Variants in ANTXR1 observed in about 807,000 individuals in gnomAD.
ANTXR1 encodes ANTXR cell adhesion molecule 1, also known as anthrax toxin receptor 1.
In ANTXR1, 19 loss-of-function variants were observed where a neutral mutation model predicts 78.1. The ratio of observed to expected loss-of-function variants is 0.24; its 90% CI spans 0.17 to 0.36. The LOEUF (loss-of-function observed/expected upper bound fraction) is 0.36, where lower values mean the gene tolerates loss of function less well. ANTXR1 is among the 10% of genes least tolerant of loss of function. The probability of loss-of-function intolerance (pLI) is 1.00; values close to 1 mark genes in which losing one functional copy is unlikely to be tolerated. For synonymous variants in ANTXR1, 273 were observed against 260.5 expected (o/e 1.05, Z -0.46); for missense variants, 518 against 718.6 (o/e 0.72, Z 3.19).
rs144411904 is a variant in ANTXR1 at position 69,140,107 on chromosome 2, A to G, written c.952-12062A>G. 2.1e-3 allele frequency among the ~76,000 whole-genome samples: 319 copies of G among 152,350 alleles called. 1 individual carries two copies. The highest frequency in any genetic ancestry group is 4.1e-3 in the South Asian group (20 of 4,832). On this transcript the variant is annotated intron_variant, in intron 12 of 17. Coordinates refer to ENST00000303714, the MANE Select transcript of ANTXR1 (RefSeq NM_032208.3). Reference sequence around the variant, plus strand: ...AAAATTTACTTTAATCACCTTCACCATCGTAAGTAACATGAAATGTCATGA... The same window carrying G: ...AAAATTTACTTTAATCACCTTCACCGTCGTAAGTAACATGAAATGTCATGA...
chr2:69,121,830 C>T (rs142583793), intron 10 of ANTXR1, among the ~76,000 whole-genome samples: 1 of 152,126 alleles, frequency 6.6e-6, no homozygotes, highest in Non-Finnish European at 1.5e-5. Context: ...CTATTATATA[C>T]TTAGTATAAT....
At chr2:69,212,093 G>C (rs1675055905) in intron 17 of ANTXR1, among the ~76,000 whole-genome samples, 1 of 152,196 alleles carries the variant, frequency 6.6e-6, no homozygotes, top group Non-Finnish European at 1.5e-5. Flanking sequence ...GCTTTTGATA[G>C]CTGGCTTCTA....
At position 69,058,485 on chromosome 2, in the gene ANTXR1, T is replaced by C. The variant is rs140654273; in HGVS notation, c.297-12162T>C. Reference sequence around the variant, plus strand: ...CCCAGATGACAGCACATCTGTTTACTGCATGGTTTACTGAATATTTTAAGC... The same window carrying C: ...CCCAGATGACAGCACATCTGTTTACCGCATGGTTTACTGAATATTTTAAGC... On this transcript the variant is annotated intron_variant, in intron 3 of 17. Coordinates refer to ENST00000303714, the MANE Select transcript of ANTXR1 (RefSeq NM_032208.3). Among the ~76,000 whole-genome samples the C allele has an allele frequency of 9.3e-4, 142 of 152,226 alleles. 1 individual carries two copies. The highest frequency in any genetic ancestry group is 3.3e-3 in the African/African-American group (137 of 41,522).
At chr2:69,150,645 T>G (rs1177329207) in intron 12 of ANTXR1, among the ~76,000 whole-genome samples, 1 of 136,728 alleles carries the variant, frequency 7.3e-6, no homozygotes, top group African/African-American at 2.9e-5. Flanking sequence ...TTTATGTCTC[T>G]CTCACTCTTG....
intron 8 of ANTXR1, among the ~76,000 whole-genome samples, chr2:69,078,590 G>A (rs897622211): frequency 2.2e-4 from 33 of 152,258 alleles, no homozygotes; most frequent in Middle Eastern, 3.4e-3. Flanking sequence ...CTCAGAGCCC[G>A]GCAACCCAGA....
intron 17 of ANTXR1, among the ~76,000 whole-genome samples, chr2:69,205,071 T>C (rs1674863210): frequency 6.6e-6 from 1 of 152,134 alleles, no homozygotes; most frequent in Non-Finnish European, 1.5e-5. Flanking sequence ...GAGTGTACAC[T>C]GGAGTGGTCA....
At chr2:69,177,768 G>A (rs1674166507) in intron 14 of ANTXR1, among the ~76,000 whole-genome samples, 1 of 152,138 alleles carries the variant, frequency 6.6e-6, no homozygotes, top group Non-Finnish European at 1.5e-5. Context: ...GTATAGTGCA[G>A]CCCACAACCC....
intron 1 of ANTXR1, among the ~76,000 whole-genome samples, chr2:69,028,775 GA>G (rs1428948794): frequency 2.6e-5 from 4 of 151,992 alleles, no homozygotes; most frequent in East Asian, 3.9e-4. Context: ...AGCTTTGGGG[GA>G]AAAAAATACA....
chr2:69,242,442 GTC>G (rs1487832561), intron 17 of ANTXR1, among the ~76,000 whole-genome samples: 2 of 152,212 alleles, frequency 1.3e-5, no homozygotes, highest in Non-Finnish European at 2.9e-5. Flanking sequence ...TCCCGATTTT[GTC>G]TCTGGACAAA....
chr2:69,176,572 C>A (rs1001362142), intron 14 of ANTXR1, among the ~76,000 whole-genome samples: 5 of 152,202 alleles, frequency 3.3e-5, no homozygotes, highest in African/African-American at 1.2e-4. Flanking sequence ...TCACGAAACT[C>A]ACTCCTCTAT....
intron 1 of ANTXR1, among the ~76,000 whole-genome samples, chr2:69,024,966 C>T (rs192902455): frequency 5.3e-5 from 8 of 152,292 alleles, no homozygotes; most frequent in Admixed American, 5.2e-4. Flanking sequence ...AAAGTGTAAA[C>T]TCTTCAGCAA....
intron 17 of ANTXR1, among the ~76,000 whole-genome samples, chr2:69,208,131 T>C (rs192392446): frequency 4.6e-5 from 7 of 152,388 alleles, no homozygotes; most frequent in East Asian, 1.9e-4. Context: ...ATTTGACTTG[T>C]AGCTTGGCTT....
chr2:69,089,685 G>T (rs181870023), intron 8 of ANTXR1, among the ~76,000 whole-genome samples: 10 of 152,278 alleles, frequency 6.6e-5, no homozygotes, highest in African/African-American at 2.2e-4. Flanking sequence ...ATAAATGGGC[G>T]TTTCCCAATG....
chr2:69,239,012 T>A (rs1675837808), intron 17 of ANTXR1, among the ~76,000 whole-genome samples: 1 of 152,120 alleles, frequency 6.6e-6, no homozygotes, highest in African/African-American at 2.4e-5. Context: ...ACACCTCTTC[T>A]CACATCTCCC....
intron 10 of ANTXR1, among the ~76,000 whole-genome samples, chr2:69,112,284 T>C (rs1378773649): frequency 1.3e-5 from 2 of 151,978 alleles, no homozygotes; most frequent in African/African-American, 4.8e-5. Flanking sequence ...GAATCCCCAT[T>C]TTGCTGATGA....
chr2:69,069,840 AC>A (rs1670514129), intron 3 of ANTXR1, among the ~76,000 whole-genome samples: 1 of 152,150 alleles, frequency 6.6e-6, no homozygotes, highest in South Asian at 2.1e-4. Context: ...CACTAAAAAG[AC>A]CCCAGCAGGA....
intron 16 of ANTXR1, among the ~76,000 whole-genome samples, chr2:69,186,648 A>G (rs1308974509): frequency 2.0e-5 from 3 of 152,254 alleles, no homozygotes; most frequent in East Asian, 3.8e-4. Flanking sequence ...GGTTCCAGAA[A>G]GAGCTGTAGC....
In ANTXR1 at chr2:69,013,481, T is replaced by C. The variant is rs923429022; in HGVS notation, c.-19T>C. 6.3e-7 allele frequency: 1 copy of C among 1,585,586 alleles called. No individual in the cohort carries two copies. Among genetic ancestry groups the C allele is most frequent in the African/African-American group, 1.3e-5 (1 of 74,840 alleles). ...GAGCGTGGGAAGGAGCGGACCCTGC[T>C]CTCCCCGGGCTGCGGGCCATGGCCA... On this transcript the variant is annotated 5_prime_UTR_variant, in exon 1 of 18. Coordinates refer to ENST00000303714, the MANE Select transcript of ANTXR1 (RefSeq NM_032208.3). This position sits in a 1 kb window ranked among gnomAD's most constrained non-coding sequence, Gnocchi z 5.0.
chr2:69,077,291 A>G (rs1670762395), intron 7 of ANTXR1, 117 bp from the exon 8 acceptor site: 1 of 1,110,776 alleles, frequency 9.0e-7, no homozygotes, highest in Admixed American at 1.8e-5. Flanking sequence ...TGAAGGCCTC[A>G]TATTCCCCTG....
Sources: allele counts gnomAD v4.1 joint callset (sites outside exome capture counted in the v4.1 genomes callset), GRCh38; gene constraint gnomAD v4.1.1; non-coding constraint Gnocchi (gnomAD v3.1); transcripts MANE v1.5; gene names NCBI Gene and HGNC (gene_info 2026-07-23, HGNC 2026-07-21).